The following DOCK4 variants were observed in gnomAD, a reference collection of about 807,000 sequenced individuals.
DOCK4 encodes the protein dedicator of cytokinesis protein 4.
In DOCK4, 97 loss-of-function variants were observed where a neutral mutation model predicts 268.1. That is an observed-to-expected ratio of 0.36 (90% CI 0.31 to 0.43). The LOEUF (loss-of-function observed/expected upper bound fraction) is 0.43, where lower values mean the gene tolerates loss of function less well. Among genes scored for constraint, DOCK4 ranks in the 20% least tolerant of loss-of-function variants. The pLI is 1.00. For missense variants in DOCK4, 2,145 were observed against 2,455.7 expected, an observed-to-expected ratio of 0.87 and a Z score of 2.67; for synonymous variants, 954 against 887.2, an observed-to-expected ratio of 1.08 and a Z score of -1.34.
intron 1 of DOCK4, among the ~76,000 whole-genome samples, chr7:112,004,849 A>G (rs949172035): frequency 6.6e-6 from 1 of 152,212 alleles, no homozygotes; most frequent in East Asian, 1.9e-4. Flanking sequence ...GTTTAGATTA[A>G]TTGGTTTCTG....
Position 111,872,333 on chromosome 7 carries a change from T to C in DOCK4, c.1862A>G (p.Asp621Gly). The C allele has an allele frequency of 6.4e-7, 1 of 1,558,884 alleles. No individual in the cohort carries two copies. The highest frequency in any genetic ancestry group is 8.7e-7 in the Non-Finnish European group (1 of 1,151,076). Residue 621 changes from aspartate to glycine, a missense_variant, in exon 19 of 53, where the codon GAT (aspartate) becomes GGT (glycine). Asp to Gly is a moderately conservative substitution (Grantham distance 94). This residue lies in a region of DOCK4 where 1,598 missense variants were observed against 1,986.7 expected (regional missense o/e 0.80). Transcript: ENST00000428084. ...TTCATCTAAAATTCCAAATAAGGTA[T>C]CCAGTGTATCCTGCAGAAACTGTTA... ...EIVKFLQDTL[D>G]TLFGILDENS...
chr7:112,070,153 T>C (rs181473658), intron 1 of DOCK4, among the ~76,000 whole-genome samples: 1 of 152,262 alleles, frequency 6.6e-6, no homozygotes, highest in East Asian at 1.9e-4. Context: ...AAAGCAGCTA[T>C]AGTAGCAGGC....
At chr7:111,974,540 GT>G (rs1798011744) in intron 8 of DOCK4, among the ~76,000 whole-genome samples, 1 of 137,950 alleles carries the variant, frequency 7.2e-6, no homozygotes. Flanking sequence ...GTGTGTGTGT[GT>G]GTGTATGATG....
At chr7:111,982,347 T>C (rs1488862933) in intron 7 of DOCK4, among the ~76,000 whole-genome samples, 3 of 152,250 alleles carry the variant, frequency 2.0e-5, no homozygotes, top group Non-Finnish European at 4.4e-5. Flanking sequence ...TTTTATCTTC[T>C]GCTTTTTATT....
At chr7:111,923,204 G>A (rs1194363694) in intron 12 of DOCK4, among the ~76,000 whole-genome samples, 2 of 152,192 alleles carry the variant, frequency 1.3e-5, no homozygotes, top group Non-Finnish European at 2.9e-5. Context: ...ATGAGGGGAT[G>A]TGCATAGGTT....
At chr7:111,856,182 G>C (rs934579279) in intron 23 of DOCK4, among the ~76,000 whole-genome samples, 6 of 152,164 alleles carry the variant, frequency 3.9e-5, no homozygotes, top group Non-Finnish European at 7.3e-5. Context: ...AAATGATACA[G>C]GTGTCACCCT....
intron 1 of DOCK4, among the ~76,000 whole-genome samples, chr7:112,104,856 T>C (rs79508127): frequency 0.025 from 3,788 of 152,274 alleles, 65 homozygotes; most frequent in Middle Eastern, 0.041. Context: ...TAAGGTAGTA[T>C]ATAATTAACC....
intron 8 of DOCK4, among the ~76,000 whole-genome samples, chr7:111,950,875 A>G (rs1795999450): frequency 6.6e-6 from 1 of 152,224 alleles, no homozygotes; most frequent in African/African-American, 2.4e-5. Flanking sequence ...ATGTTTTCAA[A>G]TGAGAATACT....
intron 11 of DOCK4, among the ~76,000 whole-genome samples, chr7:111,937,431 A>G (rs1352475039): frequency 6.6e-6 from 1 of 152,178 alleles, no homozygotes. Flanking sequence ...TGCTTATGGA[A>G]AAGCAGACAA....
At chr7:111,855,161 C>T (rs1376726984) in intron 23 of DOCK4, among the ~76,000 whole-genome samples, 1 of 152,080 alleles carries the variant, frequency 6.6e-6, no homozygotes, top group African/African-American at 2.4e-5. Context: ...GAGTGCCCCC[C>T]AATAAAACAG....
At chr7:111,742,447 GC>G (rs1795981555) in intron 44 of DOCK4, among the ~76,000 whole-genome samples, 2 of 151,898 alleles carry the variant, frequency 1.3e-5, no homozygotes, top group Middle Eastern at 3.4e-3. Flanking sequence ...TGTCCTTTTG[GC>G]CCCTTCCTTC....
At chr7:111,908,174 T>C (rs898463332) in intron 13 of DOCK4, among the ~76,000 whole-genome samples, 14 of 152,030 alleles carry the variant, frequency 9.2e-5, no homozygotes, top group Admixed American at 9.2e-4. Context: ...ATTGGCCGGG[T>C]GTGGTGGCTC....
intron 51 of DOCK4, among the ~76,000 whole-genome samples, chr7:111,733,187 C>A (rs1034087099): frequency 6.6e-6 from 1 of 152,192 alleles, no homozygotes; most frequent in African/African-American, 2.4e-5. Flanking sequence ...TTGCAACTCA[C>A]AACTACTGAA....
intron 1 of DOCK4, among the ~76,000 whole-genome samples, chr7:112,200,983 G>C (rs1200474800): frequency 6.6e-6 from 1 of 151,968 alleles, no homozygotes. Flanking sequence ...TCCTGTGTCA[G>C]GCTCTAAATG....
At chr7:111,754,807 C>T (rs1488810593) in intron 42 of DOCK4, among the ~76,000 whole-genome samples, 1 of 152,198 alleles carries the variant, frequency 6.6e-6, no homozygotes, top group Non-Finnish European at 1.5e-5. Context: ...TTCTTGGGAG[C>T]TGTGGTTACC....
At position 111,961,807 on chromosome 7, in the gene DOCK4, A is replaced by G. The variant is rs1796921113; in HGVS notation, c.701+15325T>C. On this transcript the variant is annotated intron_variant, in intron 8 of 52. Transcript: ENST00000428084. Reference sequence around the variant, plus strand: ...TTCATGTAACGAGTATTTTTATTCTAGGCAGAATGGAATTCAGACCATCAT... The same window carrying G: ...TTCATGTAACGAGTATTTTTATTCTGGGCAGAATGGAATTCAGACCATCAT... 2.6e-5 allele frequency among the ~76,000 whole-genome samples: 4 copies of G among 152,216 alleles called. No homozygotes were observed. In the South Asian group the frequency reaches 8.3e-4, roughly 31 times the overall value.
At chr7:112,163,194 GACAA>G (rs1817294972) in intron 1 of DOCK4, among the ~76,000 whole-genome samples, 1 of 152,146 alleles carries the variant, frequency 6.6e-6, no homozygotes. Context: ...CAAGTTATAA[GACAA>G]ACAAATAAAA....
intron 51 of DOCK4, chr7:111,732,576 C>T (rs983475393): frequency 2.3e-6 from 1 of 426,580 alleles, no homozygotes; most frequent in Non-Finnish European, 4.3e-6. Flanking sequence ...CTTTCCGTTT[C>T]CCCAAAGTCC....
chr7:111,783,751 T>C (rs1317189822), intron 34 of DOCK4, 106 bp downstream of exon 34: 9 of 999,668 alleles, frequency 9.0e-6, no homozygotes, highest in Admixed American at 2.2e-5. Context: ...GGTCTGATAA[T>C]CAATTGAGTG....
Sources: allele counts gnomAD v4.1 joint callset (sites outside exome capture counted in the v4.1 genomes callset), GRCh38; gene constraint gnomAD v4.1.1; regional missense constraint gnomAD v4.1.1; transcripts MANE v1.5; gene names NCBI Gene and HGNC (gene_info 2026-07-23, HGNC 2026-07-21).